ZFAT: variants seen among roughly 807,000 people sequenced by gnomAD.
The protein encoded by ZFAT is zinc finger protein ZFAT.
ZFAT carries 64 observed loss-of-function variants against 117.7 expected under a neutral mutation model. The ratio of observed to expected loss-of-function variants is 0.54; its 90% CI spans 0.44 to 0.67. The LOEUF (loss-of-function observed/expected upper bound fraction) is 0.67. Among genes scored for constraint, ZFAT ranks in the 30% least tolerant of loss-of-function variants. The pLI is 0.00. For synonymous variants in ZFAT, 679 were observed against 615.0 expected, an observed-to-expected ratio of 1.10 and a Z score of -1.54; for missense variants, 1,433 against 1,584.5, an observed-to-expected ratio of 0.90 and a Z score of 1.62.
At chr8:134,786,409 A>G in the ZFAT span, among the ~76,000 whole-genome samples, 1 of 152,200 alleles carries the variant, frequency 6.6e-6, no homozygotes, top group East Asian at 1.9e-4. Flanking sequence ...TTATCGTACT[A>G]ATACGTTTAT....
intron 13 of ZFAT, among the ~76,000 whole-genome samples, chr8:134,515,123 G>A (rs143938229): frequency 0.013 from 2,046 of 152,258 alleles, 20 homozygotes; most frequent in Middle Eastern, 0.027. Flanking sequence ...CCATGTGCCT[G>A]CAAAGGACAT....
chr8:134,700,633 G>A (rs767472745), intron 1 of ZFAT, among the ~76,000 whole-genome samples: 1 of 152,320 alleles, frequency 6.6e-6, no homozygotes, highest in Non-Finnish European at 1.5e-5. Flanking sequence ...CACCTCAGAG[G>A]AGCTCTGGCC....
chr8:134,594,346 G>A (rs11780630), intron 7 of ZFAT, among the ~76,000 whole-genome samples: 35,646 of 152,068 alleles, frequency 0.23, 4,622 homozygotes, highest in East Asian at 0.53. Flanking sequence ...CATACTGACC[G>A]GGTGTACCCA....
the ZFAT span, among the ~76,000 whole-genome samples, chr8:134,775,048 G>T: frequency 6.6e-6 from 1 of 152,216 alleles, no homozygotes; most frequent in Admixed American, 6.5e-5. Flanking sequence ...AACCCAGGAA[G>T]CAGAGTTTGC....
intron 11 of ZFAT, among the ~76,000 whole-genome samples, chr8:134,552,667 G>T (rs1823256888): frequency 6.6e-6 from 1 of 152,228 alleles, no homozygotes; most frequent in Non-Finnish European, 1.5e-5. Context: ...GATGGCTACA[G>T]AAGAGAAGGC....
the ZFAT span, among the ~76,000 whole-genome samples, chr8:134,760,934 T>C: frequency 1.3e-5 from 2 of 152,210 alleles, no homozygotes. Context: ...CTAAGTAAGC[T>C]GGGAATTGAG....
At chr8:134,782,562 G>T in the ZFAT span, among the ~76,000 whole-genome samples, 59 of 152,200 alleles carry the variant, frequency 3.9e-4, no homozygotes, top group Middle Eastern at 6.8e-3. Context: ...TTTTCCCTGA[G>T]ATATGAACCC....
the ZFAT span, among the ~76,000 whole-genome samples, chr8:134,750,580 A>G: frequency 6.6e-6 from 1 of 152,310 alleles, no homozygotes; most frequent in East Asian, 1.9e-4. Context: ...AAAACTGTAT[A>G]TATTTATGAT....
chr8:134,654,508 G>A (rs2467024), intron 2 of ZFAT, among the ~76,000 whole-genome samples: 15,863 of 152,112 alleles, frequency 0.1, 1,123 homozygotes, highest in East Asian at 0.31. Context: ...CCAGCTGTTC[G>A]GCTATAGAAG....
At chr8:134,716,503 C>T (rs189401226), upstream of ZFAT, among the ~76,000 whole-genome samples, 1 of 152,144 alleles carries the variant, frequency 6.6e-6, no homozygotes, top group Non-Finnish European at 1.5e-5. Context: ...TATTAATCTC[C>T]GGAGTGGTTT....
At chr8:134,753,674 TA>T in the ZFAT span, among the ~76,000 whole-genome samples, 1 of 152,066 alleles carries the variant, frequency 6.6e-6, no homozygotes, top group Non-Finnish European at 1.5e-5. Context: ...GAGTATAAAG[TA>T]AAAATGAGAA....
intron 1 of ZFAT, among the ~76,000 whole-genome samples, chr8:134,690,646 T>C (rs1156653970): frequency 6.6e-6 from 1 of 152,170 alleles, no homozygotes; most frequent in Non-Finnish European, 1.5e-5. Flanking sequence ...AGCTTTAAAT[T>C]TAAGGAAGGA....
At chr8:134,553,024 G>A (rs1823293981) in intron 11 of ZFAT, among the ~76,000 whole-genome samples, 1 of 152,230 alleles carries the variant, frequency 6.6e-6, no homozygotes, top group Non-Finnish European at 1.5e-5. Flanking sequence ...TGCAAAAAAT[G>A]GGTGAGAGGT....
chr8:134,821,549 TAAAA>T, the ZFAT span, among the ~76,000 whole-genome samples: 3 of 141,144 alleles, frequency 2.1e-5, no homozygotes, highest in East Asian at 6.1e-4. Flanking sequence ...GCATGCGGTT[TAAAA>T]AAAAAAAAAA....
the ZFAT span, chr8:134,766,023 C>T: frequency 1.3e-5 from 2 of 152,220 alleles, no homozygotes; most frequent in Non-Finnish European, 2.9e-5. Flanking sequence ...CCTGTCTCTA[C>T]CTGAGTCACA....
chr8:134,677,473 T>C (rs1042617107), intron 1 of ZFAT, among the ~76,000 whole-genome samples: 16 of 151,954 alleles, frequency 1.1e-4, no homozygotes, highest in African/African-American at 3.9e-4. Context: ...CCAAAAAAAG[T>C]CCAGGACCAG....
chr8:134,608,572 A>G (rs1828066993), intron 5 of ZFAT, among the ~76,000 whole-genome samples, 157 bp downstream of exon 5: 1 of 152,154 alleles, frequency 6.6e-6, no homozygotes, highest in African/African-American at 2.4e-5. Context: ...GCTGCCATGG[A>G]GGGGTAATTC....
chr8:134,588,217 G>T (rs935599821), intron 9 of ZFAT, 29 bp downstream of exon 9: 1 of 1,525,808 alleles, frequency 6.6e-7, no homozygotes, highest in Non-Finnish European at 8.8e-7. Flanking sequence ...AATTAGAAAG[G>T]TGCCCAATTT....
Position 134,649,165 on chromosome 8 carries a change from TCACACACA to T in ZFAT, c.196+8388_196+8395del, listed in dbSNP as rs752848073. Among the ~76,000 whole-genome samples, 8 of 77,058 alleles carry T rather than the reference TCACACACA, an allele frequency of 1.0e-4. No homozygotes were observed. The South Asian group carries it at 3.9e-3, about 38-fold the overall frequency. The allele number at this position is 77,058 out of a possible 152,430, so 50.6% of individuals were successfully genotyped here. A position where few individuals can be genotyped will look rare whatever the true frequency, so the allele number is the denominator to read the frequency against. On this transcript the variant is annotated intron_variant, in intron 2 of 15. Transcript: ENST00000377838. Reference sequence around the variant, plus strand: ...TAACCTAATGAAGAACATCTATCTCTCACACACACACACACACACACACACACACACAC... The same window carrying T: ...TAACCTAATGAAGAACATCTATCTCTCACACACACACACACACACACACAC...
Sources: gnomAD v4.1 joint callset for allele counts (sites outside exome capture counted in the v4.1 genomes callset) on GRCh38, gnomAD v4.1.1 for gene constraint, MANE v1.5 for transcripts, NCBI Gene and HGNC (gene_info 2026-07-23, HGNC 2026-07-21) for gene names.